CCDC171: variants seen among roughly 807,000 people sequenced by gnomAD.
CCDC171 encodes the protein coiled-coil domain-containing protein 171.
Under a neutral mutation model 168.2 loss-of-function variants are expected in CCDC171, and 177 were observed. That is an observed-to-expected ratio of 1.05 (90% CI 0.93 to 1.19). The LOEUF is 1.19. Ranked by LOEUF, CCDC171 falls within the 50% of genes most tolerant of loss-of-function variation. The pLI, the probability that CCDC171 is intolerant of heterozygous loss-of-function variation, is 0.00. For synonymous variants in CCDC171, 687 were observed against 540.8 expected, an observed-to-expected ratio of 1.27 and a Z score of -3.75; for missense variants, 1,991 against 1,539.0, an observed-to-expected ratio of 1.29 and a Z score of -4.91.
chr9:15,908,783 C>G (rs551328766), intron 24 of CCDC171, among the ~76,000 whole-genome samples: 1 of 152,120 alleles, frequency 6.6e-6, no homozygotes, highest in Non-Finnish European at 1.5e-5. Context: ...GGGGAGCAGG[C>G]ACGTCAGTAG....
chr9:15,557,806 G>A (rs930547910), intron 1 of CCDC171, among the ~76,000 whole-genome samples: 16 of 152,070 alleles, frequency 1.1e-4, no homozygotes, highest in Non-Finnish European at 1.9e-4. Flanking sequence ...GGGCATCCCT[G>A]TCTTGTGCCA....
At chr9:15,742,359 A>G (rs561143810) in intron 16 of CCDC171, among the ~76,000 whole-genome samples, 1 of 152,264 alleles carries the variant, frequency 6.6e-6, no homozygotes, top group South Asian at 2.1e-4. Flanking sequence ...TCAAATTTCC[A>G]TCCTTTCTCT....
intron 23 of CCDC171, 113 bp from the exon 24 acceptor site, chr9:15,874,419 T>G: frequency 2.5e-6 from 2 of 790,242 alleles, no homozygotes; most frequent in Non-Finnish European, 3.8e-6. Flanking sequence ...TATTCATGGA[T>G]TTCAGGTCCA....
intron 1 of CCDC171, among the ~76,000 whole-genome samples, chr9:16,053,103 A>G (rs1476859314): frequency 1.3e-5 from 2 of 152,256 alleles, no homozygotes; most frequent in Non-Finnish European, 2.9e-5. Flanking sequence ...GTAGCTGGAC[A>G]AATCCTAACC....
chr9:15,570,226 C>T (rs1319004038), intron 2 of CCDC171, among the ~76,000 whole-genome samples: 1 of 152,064 alleles, frequency 6.6e-6, no homozygotes, highest in Non-Finnish European at 1.5e-5. Context: ...CCGCCACAGC[C>T]TCCCAAAGTG....
intron 23 of CCDC171, among the ~76,000 whole-genome samples, chr9:15,855,697 A>G (rs929801775): frequency 6.6e-6 from 1 of 151,634 alleles, no homozygotes; most frequent in Non-Finnish European, 1.5e-5. Flanking sequence ...TTATTTTACT[A>G]TACATTTTTA....
the CCDC171 span, among the ~76,000 whole-genome samples, chr9:16,077,069 A>C: frequency 2.0e-5 from 3 of 152,360 alleles, no homozygotes; most frequent in East Asian, 5.8e-4. Context: ...GGAAAAAAGC[A>C]AATAGTGCTG....
intron 9 of CCDC171, among the ~76,000 whole-genome samples, chr9:15,668,492 T>C (rs1347832776): frequency 6.6e-6 from 1 of 152,184 alleles, no homozygotes; most frequent in Non-Finnish European, 1.5e-5. Context: ...CTAACACTCC[T>C]AATGCTTTAA....
At chr9:16,099,322 G>A in the CCDC171 span, among the ~76,000 whole-genome samples, 1 of 152,186 alleles carries the variant, frequency 6.6e-6, no homozygotes, top group Non-Finnish European at 1.5e-5. Flanking sequence ...TTTCACAACA[G>A]AGGAAAAGTG....
At chr9:16,015,861 C>G (rs3008714) in intron 3 of CCDC171, among the ~76,000 whole-genome samples, 1 of 152,040 alleles carries the variant, frequency 6.6e-6, no homozygotes, top group South Asian at 2.1e-4. Context: ...AAGTTGACTC[C>G]TACAGTGTTT....
In CCDC171 at chr9:15,694,637, C is replaced by T. The variant is rs147290623; in HGVS notation, c.1216-598C>T. 1.4e-3 allele frequency among the ~76,000 whole-genome samples: 210 copies of T among 152,304 alleles called. 1 individual carries two copies. The highest frequency in any genetic ancestry group is 4.4e-3 in the African/African-American group (181 of 41,570). Reference sequence around the variant, plus strand: ...TTTTTCTGCGTACTTCCCTTATCCTCATCCAATCCAATCCAGTTCAATCCA... The same window carrying T: ...TTTTTCTGCGTACTTCCCTTATCCTTATCCAATCCAATCCAGTTCAATCCA... On this transcript the variant is annotated intron_variant, in intron 10 of 25. Transcript: ENST00000380701.
chr9:16,072,554 T>G, the CCDC171 span, among the ~76,000 whole-genome samples: 1 of 152,118 alleles, frequency 6.6e-6, no homozygotes, highest in Non-Finnish European at 1.5e-5. Flanking sequence ...CTTACAAAGC[T>G]CATATCTAGC....
At chr9:15,713,549 G>C (rs1031116484) in intron 11 of CCDC171, among the ~76,000 whole-genome samples, 1 of 152,104 alleles carries the variant, frequency 6.6e-6, no homozygotes, top group Non-Finnish European at 1.5e-5. Context: ...ACCGTTTCAT[G>C]ATGGGCACCC....
intron 6 of CCDC171, among the ~76,000 whole-genome samples, chr9:15,598,292 G>A (rs909174933): frequency 3.8e-4 from 58 of 151,900 alleles, no homozygotes; most frequent in Admixed American, 3.6e-3. Context: ...ATTTAGTGCT[G>A]TAAATTTCCC....
chr9:16,096,611 G>T, the CCDC171 span, among the ~76,000 whole-genome samples: 1 of 152,188 alleles, frequency 6.6e-6, no homozygotes, highest in East Asian at 1.9e-4. Flanking sequence ...ATATGGAAGG[G>T]AGGGAGAAGA....
At chr9:15,897,571 C>A (rs190791502) in intron 24 of CCDC171, among the ~76,000 whole-genome samples, 1 of 152,078 alleles carries the variant, frequency 6.6e-6, no homozygotes, top group Non-Finnish European at 1.5e-5. Flanking sequence ...AAACAAAAAT[C>A]TGTAGCTCAG....
intron 7 of CCDC171, among the ~76,000 whole-genome samples, chr9:15,629,352 G>A (rs941786224): frequency 6.6e-6 from 1 of 152,206 alleles, no homozygotes; most frequent in Admixed American, 6.5e-5. Context: ...GGAGCTGAAA[G>A]CCAAGGCTCG....
intron 3 of CCDC171, among the ~76,000 whole-genome samples, chr9:16,005,349 A>G (rs1832665453): frequency 6.6e-6 from 1 of 152,226 alleles, no homozygotes; most frequent in Admixed American, 6.5e-5. Context: ...TTATGGCCAA[A>G]TAATATTCCA....
rs73413936 is a variant in CCDC171 at position 15,986,589 on chromosome 9, A to G, written n.369-34000A>G. Among the ~76,000 whole-genome samples the G allele has an allele frequency of 7.4e-3, 1,117 of 151,910 alleles. 13 individuals are homozygous for G. Among genetic ancestry groups the G allele is most frequent in the African/African-American group, 0.026 (1,062 of 41,168 alleles). Reference sequence around the variant, plus strand: ...AAAGATTTTATACGAAGAGGGCAACAAAACCCCAGATTGCCCTAGATCCTT... The same window carrying G: ...AAAGATTTTATACGAAGAGGGCAACGAAACCCCAGATTGCCCTAGATCCTT... On this transcript the variant is annotated intron_variant and non_coding_transcript_variant, in intron 3 of 9. Transcript: ENST00000486641.
Sources: allele counts gnomAD v4.1 joint callset (sites outside exome capture counted in the v4.1 genomes callset), GRCh38; gene constraint gnomAD v4.1.1; transcripts MANE v1.5; gene names NCBI Gene and HGNC (gene_info 2026-07-23, HGNC 2026-07-21).